The following THEMIS variants were observed in gnomAD, a reference collection of about 807,000 sequenced individuals.
The protein encoded by THEMIS is protein THEMIS.
THEMIS carries 37 observed loss-of-function variants against 52.6 expected under a neutral mutation model. The observed-to-expected ratio is 0.70, with a 90% CI of 0.54 to 0.93. The LOEUF is 0.93. Ranked by LOEUF, THEMIS falls within the 40% of genes least tolerant of loss-of-function variation. The pLI, the probability that THEMIS is intolerant of heterozygous loss-of-function variation, is 0.00. For missense variants in THEMIS, 808 were observed against 763.1 expected, an observed-to-expected ratio of 1.06 and a Z score of -0.69; for synonymous variants, 292 against 272.7, an observed-to-expected ratio of 1.07 and a Z score of -0.70.
intron 4 of THEMIS, among the ~76,000 whole-genome samples, chr6:127,782,238 T>A (rs879418048): frequency 1.3e-5 from 2 of 152,048 alleles, no homozygotes; most frequent in African/African-American, 2.4e-5. Context: ...TTGGGCTCCA[T>A]GGGGGTGGGA....
upstream of THEMIS, among the ~76,000 whole-genome samples, chr6:127,902,516 G>A (rs777221017): frequency 2.6e-5 from 4 of 152,084 alleles, no homozygotes; most frequent in Middle Eastern, 3.4e-3. Flanking sequence ...TGGCCATCAT[G>A]TAAATGACCT....
chr6:127,739,114 T>C (rs986130079), intron 4 of THEMIS, among the ~76,000 whole-genome samples: 3 of 152,156 alleles, frequency 2.0e-5, no homozygotes, highest in Admixed American at 2.0e-4. Context: ...TCTAAGAATA[T>C]TGTGATGGCA....
rs80298944 is a variant in THEMIS, at chr6:127,781,060, G to C, written c.1758+31823C>G. Among the ~76,000 whole-genome samples the C allele has an allele frequency of 5.0e-3, 753 of 151,900 alleles. 6 individuals are homozygous for C. Among genetic ancestry groups the C allele is most frequent in the African/African-American group, 0.017 (722 of 41,440 alleles). ...AATGTATGATTGGTCTTTTCACATA[G>C]TCCTATATTTCTTGGAGGCTTTGTT... is the stretch of plus-strand genomic sequence containing the variant. On this transcript the variant is annotated intron_variant, in intron 4 of 5. Transcript: ENST00000368248.
Position 127,855,194 on chromosome 6 carries a change from A to C in THEMIS, c.92-6T>G, listed in dbSNP as rs764739800. ...AAACATTTCATAAATAGAGCCTAAA[A>C]GGAAAGAAAAGTTAAAACAGCTTTT... On this transcript the variant is annotated splice_region_variant and splice_polypyrimidine_tract_variant and intron_variant, in intron 1 of 5. Transcript: ENST00000368248. The C allele has an allele frequency of 3.2e-6, 5 of 1,579,304 alleles. No individual in the cohort carries two copies. The South Asian group carries it at 5.9e-5, about 19-fold the overall frequency.
chr6:127,764,102 T>C (rs1446202874), intron 4 of THEMIS, among the ~76,000 whole-genome samples: 3 of 152,006 alleles, frequency 2.0e-5, no homozygotes, highest in Non-Finnish European at 4.4e-5. Flanking sequence ...AGATATTTCG[T>C]ATCAGAAAAT....
At chr6:127,707,150 G>A (rs1417480283), downstream of THEMIS, among the ~76,000 whole-genome samples, 1 of 152,036 alleles carries the variant, frequency 6.6e-6, no homozygotes, top group Non-Finnish European at 1.5e-5. Context: ...GGAACAGCAT[G>A]GGGGAAACTG....
At chr6:127,791,246 C>T (rs565181487) in intron 4 of THEMIS, among the ~76,000 whole-genome samples, 87 of 152,204 alleles carry the variant, frequency 5.7e-4, no homozygotes, top group African/African-American at 2.0e-3. Context: ...AGAGGAGACC[C>T]ACAGTGGTTA....
At chr6:127,784,292 G>A (rs1776848129) in intron 4 of THEMIS, among the ~76,000 whole-genome samples, 1 of 152,084 alleles carries the variant, frequency 6.6e-6, no homozygotes. Context: ...GTAGATGATG[G>A]GCTGATGGGT....
upstream of THEMIS, among the ~76,000 whole-genome samples, chr6:127,902,324 CAAAAAAA>C (rs35320887): frequency 1.3e-4 from 14 of 109,752 alleles, no homozygotes; most frequent in Non-Finnish European, 3.8e-5. Context: ...GACTCTGTCT[CAAAAAAA>C]AAAAAAAAAA....
At chr6:127,728,877 G>A (rs1249082555) in intron 4 of THEMIS, among the ~76,000 whole-genome samples, 1 of 152,156 alleles carries the variant, frequency 6.6e-6, no homozygotes, top group East Asian at 1.9e-4. Flanking sequence ...TGACATTTGA[G>A]CAAAGATTTA....
chr6:127,898,245 A>G (rs1437665700), intron 1 of THEMIS, among the ~76,000 whole-genome samples: 2 of 151,682 alleles, frequency 1.3e-5, no homozygotes, highest in African/African-American at 4.8e-5. Context: ...CTCTTAATTG[A>G]AGTAAAACAT....
upstream of THEMIS, among the ~76,000 whole-genome samples, chr6:127,906,054 T>A (rs1781262758): frequency 6.6e-6 from 1 of 151,010 alleles, no homozygotes; most frequent in African/African-American, 2.4e-5. Flanking sequence ...AAATAAAAAT[T>A]AAATAGTTTA....
intron 4 of THEMIS, among the ~76,000 whole-genome samples, chr6:127,726,485 TATTAAG>T (rs1282380004): frequency 6.6e-6 from 1 of 152,168 alleles, no homozygotes; most frequent in Non-Finnish European, 1.5e-5. Flanking sequence ...TCTTCATTAC[TATTAAG>T]ATTATTTTAT....
chr6:127,915,636 A>G (rs1470567577), intron 1 of THEMIS, among the ~76,000 whole-genome samples: 1 of 150,804 alleles, frequency 6.6e-6, no homozygotes, highest in Non-Finnish European at 1.5e-5. Flanking sequence ...GCTACACATA[A>G]ACCTTTAATA....
intron 3 of THEMIS, among the ~76,000 whole-genome samples, chr6:127,821,354 C>T (rs1171450608): frequency 1.3e-5 from 2 of 152,000 alleles, no homozygotes; most frequent in Non-Finnish European, 2.9e-5. Context: ...CACCTGAGAG[C>T]ATGAGACTGA....
At chr6:127,834,890 T>C (rs1487719505) in intron 2 of THEMIS, among the ~76,000 whole-genome samples, 1 of 152,196 alleles carries the variant, frequency 6.6e-6, no homozygotes, top group Non-Finnish European at 1.5e-5. Context: ...TAAAGCTTTA[T>C]TGTAGTCACA....
intron 1 of THEMIS, among the ~76,000 whole-genome samples, chr6:127,893,784 C>T (rs144644471): frequency 1.8e-4 from 28 of 152,108 alleles, no homozygotes; most frequent in African/African-American, 4.6e-4. Context: ...CACCACAGGA[C>T]GGGTGGAATC....
chr6:127,837,131 G>A lies in THEMIS; in HGVS notation c.251-7197C>T, dbSNP rs1037519124. On this transcript the variant is annotated intron_variant, in intron 2 of 5. Coordinates refer to ENST00000368248, the MANE Select transcript of THEMIS (RefSeq NM_001010923.3). The stretch of plus-strand genomic sequence containing the variant: ...CTGTCTGGCAGCCCTGGATATGGCC[G>A]TCCCTGACCTTCCAATATAAAGTAT... Among the ~76,000 whole-genome samples, 8 of 152,124 alleles carry A rather than the reference G, an allele frequency of 5.3e-5. No individual in the cohort carries two copies. The East Asian group carries it at 7.7e-4, about 15-fold the overall frequency.
the THEMIS span, among the ~76,000 whole-genome samples, chr6:127,699,585 G>C: frequency 6.6e-6 from 1 of 151,242 alleles, no homozygotes; most frequent in Non-Finnish European, 1.5e-5. Context: ...CACATGTCTA[G>C]AAAAGAGATT....
Sources: gnomAD v4.1 joint callset for allele counts (sites outside exome capture counted in the v4.1 genomes callset) on GRCh38, gnomAD v4.1.1 for gene constraint, MANE v1.5 for transcripts, NCBI Gene and HGNC (gene_info 2026-07-23, HGNC 2026-07-21) for gene names.